Variants in CNTNAP2 observed in about 807,000 individuals in gnomAD.
CNTNAP2 encodes contactin associated protein 2.
CNTNAP2 carries 98 observed loss-of-function variants against 155.2 expected under a neutral mutation model. The ratio of observed to expected loss-of-function variants is 0.63; its 90% CI spans 0.54 to 0.75. CNTNAP2 has a LOEUF of 0.75. Among genes scored for constraint, CNTNAP2 ranks in the 30% least tolerant of loss-of-function variants. The pLI is 0.00. For synonymous variants in CNTNAP2, 651 were observed against 631.2 expected, an observed-to-expected ratio of 1.03 and a Z score of -0.47; for missense variants, 1,727 against 1,688.1, an observed-to-expected ratio of 1.02 and a Z score of -0.40.
chr7:146,863,228 A>G (rs1163648878), intron 3 of CNTNAP2, among the ~76,000 whole-genome samples: 3 of 152,202 alleles, frequency 2.0e-5, no homozygotes, highest in African/African-American at 7.2e-5. Context: ...TTATGACTGT[A>G]CTGAAAAGTT....
chr7:147,360,290 T>C (rs1796125755), intron 9 of CNTNAP2, among the ~76,000 whole-genome samples: 1 of 152,220 alleles, frequency 6.6e-6, no homozygotes, highest in African/African-American at 2.4e-5. Context: ...TATCTTGGTA[T>C]ATAAATAATC....
intron 21 of CNTNAP2, among the ~76,000 whole-genome samples, chr7:148,284,582 C>T (rs1259964383): frequency 6.6e-6 from 1 of 150,642 alleles, no homozygotes; most frequent in Non-Finnish European, 1.5e-5. Flanking sequence ...CCAACTAAGG[C>T]TACCCAGGTA....
intron 10 of CNTNAP2, among the ~76,000 whole-genome samples, chr7:147,458,477 G>A (rs532178512): frequency 6.6e-6 from 1 of 152,114 alleles, no homozygotes; most frequent in East Asian, 1.9e-4. Context: ...CCTTTCATCA[G>A]TGAAAATGAA....
chr7:147,811,832 T>C (rs1798184139), intron 13 of CNTNAP2, among the ~76,000 whole-genome samples: 1 of 152,186 alleles, frequency 6.6e-6, no homozygotes, highest in Admixed American at 6.5e-5. Context: ...ATTCAACAAA[T>C]ACTTGTTGAG....
chr7:147,852,253 A>G (rs775271139), intron 13 of CNTNAP2, among the ~76,000 whole-genome samples: 2 of 152,090 alleles, frequency 1.3e-5, no homozygotes, highest in Non-Finnish European at 2.9e-5. Context: ...TAGCCCCACA[A>G]CCTTAATTGT....
chr7:147,108,105 A>G (rs368776550), intron 4 of CNTNAP2, 42 bp from the exon 5 acceptor site: 4 of 1,568,822 alleles, frequency 2.5e-6, no homozygotes, highest in Non-Finnish European at 3.5e-6. Flanking sequence ...GGATGGTAAC[A>G]TACATGGCTG....
chr7:148,312,328 G>A (rs189428689), intron 21 of CNTNAP2, among the ~76,000 whole-genome samples: 6 of 152,276 alleles, frequency 3.9e-5, no homozygotes, highest in South Asian at 4.1e-4. Flanking sequence ...GGGAAAGCAC[G>A]TGTGTTTTTA....
intron 1 of CNTNAP2, among the ~76,000 whole-genome samples, chr7:146,452,287 T>A (rs1232650334): frequency 6.6e-6 from 1 of 152,146 alleles, no homozygotes; most frequent in Non-Finnish European, 1.5e-5. Context: ...GTGTATTCAT[T>A]TTCATCCTCC....
At chr7:147,795,736 G>T (rs549297367) in intron 13 of CNTNAP2, among the ~76,000 whole-genome samples, 4 of 152,054 alleles carry the variant, frequency 2.6e-5, no homozygotes, top group Non-Finnish European at 5.9e-5. Flanking sequence ...TTTAATTCTA[G>T]CTCTGTTATT....
chr7:146,554,790 C>A (rs752488267), intron 1 of CNTNAP2, among the ~76,000 whole-genome samples: 13 of 152,224 alleles, frequency 8.5e-5, no homozygotes, highest in Non-Finnish European at 1.9e-4. Context: ...TGCACAGAGT[C>A]TCCGAGGTAA....
intron 1 of CNTNAP2, among the ~76,000 whole-genome samples, chr7:146,560,002 ATAAT>A (rs1212781144): frequency 6.6e-6 from 1 of 152,224 alleles, no homozygotes; most frequent in Admixed American, 6.5e-5. Flanking sequence ...TTTAAAATGA[ATAAT>A]TATCTTTCAC....
intron 1 of CNTNAP2, among the ~76,000 whole-genome samples, chr7:146,442,175 T>C (rs1008756726): frequency 6.6e-6 from 1 of 151,710 alleles, no homozygotes; most frequent in Admixed American, 6.6e-5. Flanking sequence ...TATCTATATA[T>C]AAAACTGTAA....
intron 1 of CNTNAP2, among the ~76,000 whole-genome samples, chr7:146,622,607 A>C (rs1245618944): frequency 6.6e-6 from 1 of 152,052 alleles, no homozygotes; most frequent in Non-Finnish European, 1.5e-5. Flanking sequence ...TTACCATGTC[A>C]ATCATTCTAA....
chr7:147,227,068 T>C (rs931371092), intron 8 of CNTNAP2, among the ~76,000 whole-genome samples: 2 of 152,104 alleles, frequency 1.3e-5, no homozygotes, highest in African/African-American at 4.8e-5. Context: ...TACTGGGAAG[T>C]AGAGTTTCAA....
At chr7:147,160,759 T>C (rs1043859858) in intron 8 of CNTNAP2, among the ~76,000 whole-genome samples, 7 of 152,120 alleles carry the variant, frequency 4.6e-5, no homozygotes, top group African/African-American at 1.7e-4. Context: ...AGCTAAAATA[T>C]GCAGAGGCAT....
chr7:147,889,550 A>ATAGC (rs1799653113), intron 13 of CNTNAP2, among the ~76,000 whole-genome samples: 2 of 152,328 alleles, frequency 1.3e-5, no homozygotes, highest in South Asian at 4.1e-4. Flanking sequence ...AAAATTTCCA[A>ATAGC]ATTACTGAAA....
intron 10 of CNTNAP2, among the ~76,000 whole-genome samples, chr7:147,471,222 C>CAT (rs1798210879): frequency 6.6e-6 from 1 of 152,046 alleles, no homozygotes; most frequent in African/African-American, 2.4e-5. Flanking sequence ...CATAGCATCA[C>CAT]CTTGCACTCT....
chr7:146,173,749 A>T lies in CNTNAP2; in HGVS notation c.97+56776A>T, dbSNP rs10271738. 5.8e-3 allele frequency among the ~76,000 whole-genome samples: 878 copies of T among 152,320 alleles called. 6 individuals carry two copies. The highest frequency in any genetic ancestry group is 0.02 in the African/African-American group (836 of 41,570). The stretch of plus-strand genomic sequence containing the variant: ...TATGGTATGTCATATAGAGATCCTG[A>T]CAGAATGCCGTACATGCAAATATAC... On this transcript the variant is annotated intron_variant, in intron 1 of 23. Coordinates refer to ENST00000361727, the MANE Select transcript of CNTNAP2 (RefSeq NM_014141.6).
intron 22 of CNTNAP2, among the ~76,000 whole-genome samples, chr7:148,399,879 A>G (rs1799545282): frequency 9.4e-6 from 1 of 106,036 alleles, no homozygotes; most frequent in Non-Finnish European, 2.2e-5. Flanking sequence ...ATTAAAACAC[A>G]CACACACACG....
Sources: allele counts gnomAD v4.1 joint callset (sites outside exome capture counted in the v4.1 genomes callset), GRCh38; gene constraint gnomAD v4.1.1; transcripts MANE v1.5; gene names NCBI Gene and HGNC (gene_info 2026-07-23, HGNC 2026-07-21).